The following SRGAP1 variants were observed in gnomAD, a reference collection of about 807,000 sequenced individuals.
SRGAP1 encodes SLIT-ROBO Rho GTPase activating protein 1.
SRGAP1 carries 43 observed loss-of-function variants against 121.9 expected under a neutral mutation model. That is an observed-to-expected ratio of 0.35 (90% CI 0.28 to 0.46). The LOEUF (loss-of-function observed/expected upper bound fraction) is 0.46. SRGAP1 is among the 20% of genes least tolerant of loss of function. The pLI, the probability that SRGAP1 is intolerant of heterozygous loss-of-function variation, is 1.00. For synonymous variants in SRGAP1, 447 were observed against 485.4 expected (o/e 0.92, Z 1.04); for missense variants, 1,102 against 1,350.9 (o/e 0.82, Z 2.89).
At chr12:64,021,180 C>G (rs572904952) in intron 4 of SRGAP1, among the ~76,000 whole-genome samples, 11 of 152,294 alleles carry the variant, frequency 7.2e-5, no homozygotes, top group Non-Finnish European at 1.6e-4. Flanking sequence ...CCATGAAAGT[C>G]TCACACAAGA....
chr12:64,151,270 T>C lies in SRGAP1; in HGVS notation c.*8598T>C, dbSNP rs1309159454. On this transcript the variant is annotated 3_prime_UTR_variant, in exon 22 of 22. Coordinates refer to ENST00000355086, the MANE Select transcript of SRGAP1 (RefSeq NM_020762.4). ...CTCATATTCTGTATATAATTGTATATACATTGGGTTTTTCTCCCTTATAGC... is the reference window on the plus strand; with the variant it reads ...CTCATATTCTGTATATAATTGTATACACATTGGGTTTTTCTCCCTTATAGC... 6.6e-6 allele frequency: 1 copy of C among 152,202 alleles called. No homozygotes were observed. Among genetic ancestry groups the C allele is most frequent in the Non-Finnish European group, 1.5e-5 (1 of 68,042 alleles). 9.4% of individuals were successfully genotyped at this position (152,202 alleles called of 1,614,324 possible). A position where few individuals can be genotyped will look rare whatever the true frequency, so the allele number is the denominator to read the frequency against.
intron 6 of SRGAP1, among the ~76,000 whole-genome samples, chr12:64,055,055 G>A (rs1421903979): frequency 1.3e-5 from 2 of 151,634 alleles, no homozygotes; most frequent in African/African-American, 4.9e-5. Context: ...AAAAGAGGAA[G>A]TCAAATTGTC....
chr12:64,084,823 CATT>C (rs1284565823), intron 10 of SRGAP1, among the ~76,000 whole-genome samples: 1 of 151,876 alleles, frequency 6.6e-6, no homozygotes, highest in Non-Finnish European at 1.5e-5. Flanking sequence ...TCATTGGCAT[CATT>C]ATTGAATCAC....
chr12:63,933,055 G>A (rs1295258879), intron 1 of SRGAP1, among the ~76,000 whole-genome samples: 1 of 152,124 alleles, frequency 6.6e-6, no homozygotes, highest in Non-Finnish European at 1.5e-5. Flanking sequence ...GGACTTGGTG[G>A]TGTGCGCCTG....
At chr12:64,021,434 G>A (rs2034546645) in intron 4 of SRGAP1, among the ~76,000 whole-genome samples, 1 of 152,128 alleles carries the variant, frequency 6.6e-6, no homozygotes, top group Admixed American at 6.5e-5. Flanking sequence ...CATATTATTT[G>A]CATTATTTTA....
intron 1 of SRGAP1, among the ~76,000 whole-genome samples, chr12:63,877,854 A>G (rs79131614): frequency 0.073 from 11,101 of 152,270 alleles, 489 homozygotes; most frequent in East Asian, 0.14. Context: ...TGTTGGACAG[A>G]TTACTGAAAT....
chr12:64,031,390 A>T (rs1282019227), intron 4 of SRGAP1, among the ~76,000 whole-genome samples: 1 of 152,092 alleles, frequency 6.6e-6, no homozygotes. Context: ...TTCCCCAAAT[A>T]ATAAATTCTT....
At chr12:63,948,527 C>T (rs1465114603) in intron 1 of SRGAP1, among the ~76,000 whole-genome samples, 1 of 152,050 alleles carries the variant, frequency 6.6e-6, no homozygotes, top group Non-Finnish European at 1.5e-5. Context: ...GAAATATGGT[C>T]ACTTCTCCTA....
chr12:64,062,191 A>G (rs1268486026), intron 6 of SRGAP1, among the ~76,000 whole-genome samples: 1 of 152,082 alleles, frequency 6.6e-6, no homozygotes, highest in East Asian at 1.9e-4. Context: ...AACACTTGCT[A>G]TTGTCTGTCT....
chr12:63,927,370 C>G (rs2031298965), intron 1 of SRGAP1, among the ~76,000 whole-genome samples: 1 of 152,176 alleles, frequency 6.6e-6, no homozygotes, highest in Non-Finnish European at 1.5e-5. Flanking sequence ...GGATTAGGTA[C>G]TTGGTAAGTA....
At chr12:63,972,586 A>G (rs1163344521) in intron 1 of SRGAP1, among the ~76,000 whole-genome samples, 1 of 152,232 alleles carries the variant, frequency 6.6e-6, no homozygotes, top group Non-Finnish European at 1.5e-5. Flanking sequence ...CACCAGAGAT[A>G]GTTGTTGAGT....
At chr12:63,940,446 G>T (rs1270574650) in intron 1 of SRGAP1, among the ~76,000 whole-genome samples, 2 of 151,724 alleles carry the variant, frequency 1.3e-5, no homozygotes, top group Admixed American at 6.6e-5. Context: ...TATGATCAAG[G>T]AGTGTTTGTG....
At chr12:63,902,899 CTTTTGTTT>C (rs1181883509) in intron 1 of SRGAP1, among the ~76,000 whole-genome samples, 4 of 152,086 alleles carry the variant, frequency 2.6e-5, no homozygotes, top group Non-Finnish European at 2.9e-5. Flanking sequence ...TCCATCATAT[CTTTTGTTT>C]TAGTCTTGAC....
intron 10 of SRGAP1, among the ~76,000 whole-genome samples, chr12:64,082,367 A>T (rs1303037582): frequency 1.3e-5 from 2 of 151,792 alleles, no homozygotes; most frequent in African/African-American, 4.8e-5. Context: ...TAGCCAATTT[A>T]TTGAGTCCAC....
chr12:64,032,979 TTG>T (rs1291407507), intron 4 of SRGAP1, among the ~76,000 whole-genome samples: 2 of 152,130 alleles, frequency 1.3e-5, no homozygotes, highest in Non-Finnish European at 2.9e-5. Flanking sequence ...TACAATTTTT[TTG>T]TGTCAATTAC....
At chr12:64,005,252 A>G (rs1410840677) in intron 3 of SRGAP1, among the ~76,000 whole-genome samples, 1 of 152,250 alleles carries the variant, frequency 6.6e-6, no homozygotes, top group Non-Finnish European at 1.5e-5. Context: ...TAATTAGTAA[A>G]TAAACACAAG....
At chr12:64,112,148 G>A (rs1269614290) in intron 17 of SRGAP1, among the ~76,000 whole-genome samples, 162 bp downstream of exon 17, 1 of 152,102 alleles carries the variant, frequency 6.6e-6, no homozygotes, top group African/African-American at 2.4e-5. Context: ...TAAGACCCAT[G>A]GAAACTCATA....
chr12:63,875,463 A>T (rs1565931016), intron 1 of SRGAP1, among the ~76,000 whole-genome samples: 1 of 152,132 alleles, frequency 6.6e-6, no homozygotes. Context: ...ACAAAATTGC[A>T]CAGTGTTAAA....
intron 15 of SRGAP1, among the ~76,000 whole-genome samples, chr12:64,104,980 C>A (rs1007219107): frequency 6.6e-6 from 1 of 151,940 alleles, no homozygotes; most frequent in South Asian, 2.1e-4. Flanking sequence ...AGTACATTCA[C>A]AATTATCACC....
Sources: allele counts gnomAD v4.1 joint callset (sites outside exome capture counted in the v4.1 genomes callset), GRCh38; gene constraint gnomAD v4.1.1; transcripts MANE v1.5; gene names NCBI Gene and HGNC (gene_info 2026-07-23, HGNC 2026-07-21).